IFT81: variants seen among roughly 807,000 people sequenced by gnomAD.
IFT81 encodes the protein intraflagellar transport protein 81 homolog.
Under a neutral mutation model 102.6 loss-of-function variants are expected in IFT81, and 72 were observed. The observed-to-expected ratio is 0.70, with a 90% CI of 0.58 to 0.85. IFT81 has a LOEUF of 0.85. IFT81 is among the 40% of genes least tolerant of loss of function. IFT81 has a pLI of 0.00. For missense variants in IFT81, 723 were observed against 787.3 expected, an observed-to-expected ratio of 0.92 and a Z score of 0.98; for synonymous variants, 237 against 242.7, an observed-to-expected ratio of 0.98 and a Z score of 0.22.
chr12:110,178,987 G>A (rs1281713168), intron 11 of IFT81, among the ~76,000 whole-genome samples: 1 of 151,410 alleles, frequency 6.6e-6, no homozygotes, highest in Non-Finnish European at 1.5e-5. Flanking sequence ...TTAATAATGG[G>A]GTCTTTCCAT....
intron 18 of IFT81, 140 bp downstream of exon 18, chr12:110,209,356 G>C: frequency 2.3e-6 from 1 of 427,246 alleles, no homozygotes; most frequent in East Asian, 3.6e-5. Context: ...TTTAAAGATG[G>C]AAGACTTCCT....
At chr12:110,141,473 C>T (rs1894887658) in intron 8 of IFT81, among the ~76,000 whole-genome samples, 1 of 152,128 alleles carries the variant, frequency 6.6e-6, no homozygotes, top group African/African-American at 2.4e-5. Context: ...ATGGTTAGCA[C>T]GATGGAACTA....
At chr12:110,134,701 A>T (rs1282093800) in intron 5 of IFT81, among the ~76,000 whole-genome samples, 1 of 152,172 alleles carries the variant, frequency 6.6e-6, no homozygotes, top group African/African-American at 2.4e-5. Flanking sequence ...TGGCAGCTTT[A>T]CCTTGCTGCA....
chr12:110,127,311 A>T, intron 1 of IFT81, 49 bp from the exon 2 acceptor site: 2 of 1,379,710 alleles, frequency 1.4e-6, no homozygotes, highest in Non-Finnish European at 1.9e-6. Flanking sequence ...TTTACCCAGG[A>T]CTTTTGTTGC....
At chr12:110,202,113 G>C (rs1898311502) in intron 14 of IFT81, among the ~76,000 whole-genome samples, 1 of 152,174 alleles carries the variant, frequency 6.6e-6, no homozygotes, top group Admixed American at 6.5e-5. Context: ...ACTGACAGTA[G>C]ATTGGTTTAC....
At position 110,163,453 on chromosome 12, in the gene IFT81, C is replaced by A. The variant is rs549935554; in HGVS notation, c.1188+388C>A. Among the ~76,000 whole-genome samples, 99 of 152,178 alleles carry A rather than the reference C, an allele frequency of 6.5e-4. No homozygotes were observed. The Middle Eastern group carries it at 0.01, about 16-fold the overall frequency. On this transcript the variant is annotated intron_variant, in intron 11 of 18. Coordinates refer to ENST00000242591, the MANE Select transcript of IFT81 (RefSeq NM_014055.4). The stretch of plus-strand genomic sequence containing the variant: ...ACAGAGTTTTACCATGTTGGCCAGG[C>A]TGCTCTTGAACTCCCGACCTTGGGT...
intron 18 of IFT81, among the ~76,000 whole-genome samples, chr12:110,216,101 T>C (rs1870090360): frequency 6.6e-6 from 1 of 152,230 alleles, no homozygotes; most frequent in Non-Finnish European, 1.5e-5. Context: ...TTTCAATATC[T>C]ATTATGTCAC....
chr12:110,168,677 T>C (rs1462663111), intron 11 of IFT81: 1 of 152,520 alleles, frequency 6.6e-6, no homozygotes, highest in Non-Finnish European at 1.5e-5. Flanking sequence ...CAATAATTGA[T>C]TATGTATTAA....
chr12:110,156,606 C>T (rs1895852220), intron 10 of IFT81, among the ~76,000 whole-genome samples: 1 of 152,060 alleles, frequency 6.6e-6, no homozygotes, highest in Non-Finnish European at 1.5e-5. Flanking sequence ...AAGCAGTTCT[C>T]CTGCCTCAGC....
intron 10 of IFT81, among the ~76,000 whole-genome samples, chr12:110,150,009 CCCT>C (rs1266656571): frequency 2.0e-5 from 3 of 152,208 alleles, no homozygotes; most frequent in Non-Finnish European, 2.9e-5. Flanking sequence ...AGGGACCATG[CCCT>C]CCTCTACCCA....
chr12:110,154,898 A>T, intron 10 of IFT81, among the ~76,000 whole-genome samples: 1 of 151,806 alleles, frequency 6.6e-6, no homozygotes, highest in South Asian at 2.1e-4. Flanking sequence ...AATCTAGTTG[A>T]TTTATTTTGT....
intron 11 of IFT81, among the ~76,000 whole-genome samples, chr12:110,177,302 A>G (rs904903254): frequency 6.6e-6 from 1 of 151,390 alleles, no homozygotes; most frequent in African/African-American, 2.4e-5. Flanking sequence ...GTTTTGTTTG[A>G]GACAGAATCT....
rs79519541 is a variant in IFT81 at position 110,215,736 on chromosome 12, G to A, written c.1849-2308G>A. On this transcript the variant is annotated intron_variant, in intron 18 of 18. Coordinates refer to ENST00000242591, the MANE Select transcript of IFT81 (RefSeq NM_014055.4). ...CGTGTCACTTATTGTCTCTGACTTT[G>A]TGTCTACTCTTGCTTTCAGTCACCC... is the stretch of plus-strand genomic sequence containing the variant. Among the ~76,000 whole-genome samples, 1,042 of 151,306 alleles carry A rather than the reference G, an allele frequency of 6.9e-3. 1 individual carries two copies. Among genetic ancestry groups the A allele is most frequent in the Non-Finnish European group, 9.5e-3 (641 of 67,828 alleles).
chr12:110,148,116 C>G (rs985318990), intron 10 of IFT81, among the ~76,000 whole-genome samples: 5 of 152,090 alleles, frequency 3.3e-5, no homozygotes, highest in African/African-American at 9.7e-5. Flanking sequence ...ATGTTCTCTT[C>G]CCATCGATTT....
chr12:110,197,421 GTTA>G (rs1337239833), intron 14 of IFT81, among the ~76,000 whole-genome samples: 1 of 146,056 alleles, frequency 6.8e-6, no homozygotes, highest in Non-Finnish European at 1.5e-5. Flanking sequence ...TGTACATCCT[GTTA>G]TTTACTGTGT....
chr12:110,156,893 G>A lies in IFT81; in HGVS notation c.1042-6026G>A, dbSNP rs74547970. ...TTGATATATTATCCCACTGCTTTCT[G>A]GCCTCCAAAGTTTCTGATTAGAAAT... On this transcript the variant is annotated intron_variant, in intron 10 of 18. Transcript: ENST00000242591. Among the ~76,000 whole-genome samples, 696 of 152,214 alleles carry A rather than the reference G, an allele frequency of 4.6e-3. 5 individuals carry two copies. The highest frequency in any genetic ancestry group is 0.01 in the Middle Eastern group (3 of 294).
At chr12:110,209,648 A>T (rs564374220) in intron 18 of IFT81, among the ~76,000 whole-genome samples, 10 of 152,134 alleles carry the variant, frequency 6.6e-5, no homozygotes, top group Non-Finnish European at 1.5e-4. Flanking sequence ...AGGCGCCTGT[A>T]ATCCCAGCTA....
chr12:110,178,065 A>G (rs1004317405), intron 11 of IFT81, among the ~76,000 whole-genome samples: 1 of 151,882 alleles, frequency 6.6e-6, no homozygotes, highest in Non-Finnish European at 1.5e-5. Context: ...ACTGTACTCC[A>G]GCCTAGGTGA....
chr12:110,174,295 A>AT (rs1350902737), intron 11 of IFT81, among the ~76,000 whole-genome samples: 13 of 148,018 alleles, frequency 8.8e-5, no homozygotes, highest in Non-Finnish European at 1.9e-4. Context: ...AAAAAAAAAA[A>AT]AAAAAAAAAA....
Sources: gnomAD v4.1 joint callset for allele counts (sites outside exome capture counted in the v4.1 genomes callset) on GRCh38, gnomAD v4.1.1 for gene constraint, MANE v1.5 for transcripts, NCBI Gene and HGNC (gene_info 2026-07-23, HGNC 2026-07-21) for gene names.